PTPRD: variants seen among roughly 807,000 people sequenced by gnomAD.
PTPRD encodes protein tyrosine phosphatase receptor type D.
Under a neutral mutation model 214.5 loss-of-function variants are expected in PTPRD, and 34 were observed. The ratio of observed to expected loss-of-function variants is 0.16; its 90% CI spans 0.12 to 0.21. The LOEUF (loss-of-function observed/expected upper bound fraction) is 0.21. Among genes scored for constraint, PTPRD ranks in the 10% least tolerant of loss-of-function variants. PTPRD has a pLI of 1.00. For synonymous variants in PTPRD, 1,128 were observed against 845.7 expected, an observed-to-expected ratio of 1.33 and a Z score of -5.79; for missense variants, 2,545 against 2,398.7, an observed-to-expected ratio of 1.06 and a Z score of -1.27.
rs1175160191 is a variant in PTPRD at position 9,791,746 on chromosome 9, CT to C, written c.-367-24896del. ...TTTAATTATGTTTCCTATATTGAGA[CT>C]TTTTTTGATTGGAAATAGTATACTA... On this transcript the variant is annotated intron_variant, in intron 5 of 45. Coordinates refer to ENST00000381196, the MANE Select transcript of PTPRD (RefSeq NM_002839.4). Among the ~76,000 whole-genome samples the C allele has an allele frequency of 7.2e-5, 11 of 152,044 alleles. No individual in the cohort carries two copies. In the East Asian group the frequency reaches 1.7e-3, roughly 24 times the overall value.
chr9:9,010,330 CTT>C (rs2099504612), intron 11 of PTPRD, among the ~76,000 whole-genome samples: 1 of 152,102 alleles, frequency 6.6e-6, no homozygotes, highest in South Asian at 2.1e-4. Flanking sequence ...ATCCATAAGA[CTT>C]TTTGAGTTAC....
intron 9 of PTPRD, among the ~76,000 whole-genome samples, chr9:9,287,992 G>A (rs930277128): frequency 6.6e-6 from 1 of 151,482 alleles, no homozygotes. Flanking sequence ...TGGAAGCAAA[G>A]TGAGGCTGCC....
intron 9 of PTPRD, among the ~76,000 whole-genome samples, chr9:9,197,373 T>C (rs921595256): frequency 3.9e-5 from 6 of 151,990 alleles, no homozygotes; most frequent in Admixed American, 2.6e-4. Flanking sequence ...TCAGCTGGAG[T>C]GCACTGACAC....
intron 2 of PTPRD, among the ~76,000 whole-genome samples, chr9:10,488,235 C>T (rs575368941): frequency 4.0e-4 from 60 of 151,350 alleles, no homozygotes; most frequent in Middle Eastern, 3.4e-3. Flanking sequence ...GGCGCGGTGG[C>T]GGGCGCCTGT....
intron 10 of PTPRD, among the ~76,000 whole-genome samples, chr9:9,045,639 C>G (rs944626364): frequency 1.3e-5 from 2 of 152,172 alleles, no homozygotes; most frequent in Non-Finnish European, 2.9e-5. Flanking sequence ...GCACCCCAAT[C>G]TATTTTCTGC....
chr9:8,913,772 T>C (rs968277713), intron 11 of PTPRD, among the ~76,000 whole-genome samples: 9 of 152,126 alleles, frequency 5.9e-5, no homozygotes, highest in African/African-American at 1.9e-4. Context: ...AATAAACGTA[T>C]ACTTATTGGT....
chr9:8,605,597 G>A (rs1438829221), intron 14 of PTPRD, among the ~76,000 whole-genome samples: 1 of 152,194 alleles, frequency 6.6e-6, no homozygotes, highest in Non-Finnish European at 1.5e-5. Flanking sequence ...GCCTCTGGAA[G>A]CCTCCATCTC....
intron 2 of PTPRD, among the ~76,000 whole-genome samples, chr9:10,422,907 A>G (rs1028243416): frequency 6.6e-6 from 1 of 152,050 alleles, no homozygotes; most frequent in Non-Finnish European, 1.5e-5. Flanking sequence ...CGATTCCTCA[A>G]GGATCTAGAA....
intron 5 of PTPRD, among the ~76,000 whole-genome samples, chr9:9,915,667 T>G (rs1017911987): frequency 1.3e-5 from 2 of 150,772 alleles, no homozygotes; most frequent in Non-Finnish European, 3.0e-5. Flanking sequence ...TGAAAACAGA[T>G]CTTTTTAAAT....
intron 2 of PTPRD, among the ~76,000 whole-genome samples, chr9:10,510,887 C>T (rs574070913): frequency 6.6e-6 from 1 of 152,104 alleles, no homozygotes; most frequent in Non-Finnish European, 1.5e-5. Context: ...TGGTAATCAC[C>T]ATTCTATTCA....
intron 5 of PTPRD, among the ~76,000 whole-genome samples, chr9:9,788,605 G>T (rs2098944174): frequency 6.6e-6 from 1 of 151,576 alleles, no homozygotes; most frequent in East Asian, 1.9e-4. Context: ...CTTTCTAAGG[G>T]GTGGTAATGG....
intron 11 of PTPRD, among the ~76,000 whole-genome samples, chr9:8,782,744 C>T (rs977127881): frequency 6.6e-6 from 1 of 151,892 alleles, no homozygotes; most frequent in Non-Finnish European, 1.5e-5. Context: ...ATTACAGGCG[C>T]ACACCACCAC....
intron 12 of PTPRD, among the ~76,000 whole-genome samples, chr9:8,731,341 T>TA (rs2098656556): frequency 6.6e-6 from 1 of 152,204 alleles, no homozygotes. Context: ...AAAATGACTC[T>TA]GACAAGCTAC....
At chr9:9,708,125 T>C (rs1177029776) in intron 7 of PTPRD, among the ~76,000 whole-genome samples, 3 of 152,122 alleles carry the variant, frequency 2.0e-5, no homozygotes, top group Non-Finnish European at 4.4e-5. Flanking sequence ...TACGTTGATT[T>C]AGTTCTATAG....
intron 5 of PTPRD, among the ~76,000 whole-genome samples, chr9:9,784,431 G>A (rs2098899617): frequency 6.6e-6 from 1 of 151,878 alleles, no homozygotes; most frequent in African/African-American, 2.4e-5. Flanking sequence ...TTATACTGAA[G>A]GAAAAAGATA....
intron 2 of PTPRD, among the ~76,000 whole-genome samples, chr9:10,370,113 A>C (rs1373579000): frequency 6.6e-6 from 1 of 152,116 alleles, no homozygotes; most frequent in Non-Finnish European, 1.5e-5. Flanking sequence ...CAAAGACTGA[A>C]ACAAGAGACT....
In PTPRD at chr9:8,638,773, T is replaced by C. The variant is rs2096504830; in HGVS notation, c.65-1929A>G. 2.0e-5 allele frequency among the ~76,000 whole-genome samples: 3 copies of C among 152,306 alleles called. No individual in the cohort carries two copies. In the South Asian group the frequency reaches 6.2e-4, roughly 32 times the overall value. On this transcript the variant is annotated intron_variant, in intron 12 of 45. Coordinates refer to ENST00000381196, the MANE Select transcript of PTPRD (RefSeq NM_002839.4). The stretch of plus-strand genomic sequence containing the variant: ...GATCATAACCTGTAGCATCTCAGTG[T>C]AGCAATACAGACTAGATGATTACTA...
At chr9:9,003,066 A>G (rs1335091053) in intron 11 of PTPRD, among the ~76,000 whole-genome samples, 1 of 152,052 alleles carries the variant, frequency 6.6e-6, no homozygotes, top group Non-Finnish European at 1.5e-5. Context: ...CAACAAACAC[A>G]CCACTGGATC....
At chr9:10,344,966 T>A (rs1018476917) in intron 2 of PTPRD, among the ~76,000 whole-genome samples, 5 of 152,190 alleles carry the variant, frequency 3.3e-5, no homozygotes, top group African/African-American at 1.2e-4. Context: ...TCTAAAATCA[T>A]ATAAATCTCC....
Sources: allele counts gnomAD v4.1 joint callset (sites outside exome capture counted in the v4.1 genomes callset), GRCh38; gene constraint gnomAD v4.1.1; transcripts MANE v1.5; gene names NCBI Gene and HGNC (gene_info 2026-07-23, HGNC 2026-07-21).